UBR3: variants seen among roughly 807,000 people sequenced by gnomAD.
The protein encoded by UBR3 is ubiquitin protein ligase E3 component n-recognin 3.
In UBR3, 85 loss-of-function variants were observed where a neutral mutation model predicts 243.2. The observed-to-expected ratio is 0.35, with a 90% confidence interval of 0.29 to 0.42. The LOEUF (loss-of-function observed/expected upper bound fraction) is 0.42, where lower values mean the gene tolerates loss of function less well. Among genes scored for constraint, UBR3 ranks in the 10% least tolerant of loss-of-function variants. UBR3 has a pLI of 1.00. For missense variants in UBR3, 1,686 were observed against 2,300.8 expected, an observed-to-expected ratio of 0.73 and a Z score of 5.47; for synonymous variants, 748 against 799.8, an observed-to-expected ratio of 0.94 and a Z score of 1.09.
At chr2:169,948,056 G>T in intron 22 of UBR3, 2 of 536,164 alleles carry the variant, frequency 3.7e-6, no homozygotes, top group Non-Finnish European at 4.7e-6. Flanking sequence ...AAATTTAAAA[G>T]AAGGTTTCTT....
chr2:170,017,722 A>C (rs1267848125), intron 30 of UBR3, among the ~76,000 whole-genome samples: 1 of 152,216 alleles, frequency 6.6e-6, no homozygotes, highest in Non-Finnish European at 1.5e-5. Flanking sequence ...AGTTGAGAGT[A>C]GTTAACCAGT....
chr2:170,042,377 A>G (rs1161765884), intron 32 of UBR3, among the ~76,000 whole-genome samples: 1 of 152,076 alleles, frequency 6.6e-6, no homozygotes, highest in African/African-American at 2.4e-5. Context: ...GTTGATGGAC[A>G]TTTGGGTTAT....
intron 29 of UBR3, among the ~76,000 whole-genome samples, chr2:170,009,371 A>C (rs6733311): frequency 0.96 from 145,302 of 152,084 alleles, 69,759 homozygotes; most frequent in East Asian, 1. Flanking sequence ...TCTAGTGATA[A>C]CCTAAAAGAC....
At position 170,071,297 on chromosome 2, in the gene UBR3, T is replaced by G. The variant is rs971395738; in HGVS notation, c.5020-2131T>G. Among the ~76,000 whole-genome samples the G allele has an allele frequency of 2.6e-5, 4 of 152,206 alleles. 1 individual carries two copies. Among genetic ancestry groups the G allele is most frequent in the African/African-American group, 7.2e-5 (3 of 41,450 alleles). On this transcript the variant is annotated intron_variant, in intron 35 of 38. Coordinates refer to ENST00000272793, the MANE Select transcript of UBR3 (RefSeq NM_172070.4). ...ATGTTCATAATAGCCAAATTCATAG[T>G]CAAAATCTGGAAACAACCATCAACA...
rs1574212641 is a variant in UBR3, at chr2:169,924,127, A to T, written c.1976A>T (p.Asp659Val). 6.5e-7 allele frequency: 1 copy of T among 1,548,566 alleles called. No individual in the cohort carries two copies. ...CTAGATTTGGATTCTGTTTTACCAGATCAGGAAATGTTAATGAAACTAATG... is the reference window on the plus strand; with the variant it reads ...CTAGATTTGGATTCTGTTTTACCAGTTCAGGAAATGTTAATGAAACTAATG... The part of the protein sequence containing the change: ...QELDLDSVLP[D>V]QEMLMKLMIH... The change falls in exon 13 of 39, where the codon GAT becomes GTT. Residue 659 changes from aspartate (D) to valine (V), a missense_variant. By Grantham distance (152) the Asp-to-Val change is radical. Coordinates refer to ENST00000272793, the MANE Select transcript of UBR3 (RefSeq NM_172070.4).
chr2:170,029,199 G>A, intron 30 of UBR3, 147 bp from the exon 31 acceptor site: 1 of 601,842 alleles, frequency 1.7e-6, no homozygotes. Context: ...AAAAGAGAGT[G>A]TGAAGTAATT....
Position 169,899,783 on chromosome 2 carries a change from G to GA in UBR3, c.1465+3050dup, listed in dbSNP as rs532982340. Among the ~76,000 whole-genome samples, 115 of 152,226 alleles carry GA rather than the reference G, an allele frequency of 7.6e-4. No homozygotes were observed. The East Asian group carries it at 7.7e-3, about 10-fold the overall frequency. ...TTCTGTCCTTGTGATAGTTTGCTGA[G>GA]AATGATGGTGACCAGTTTCATCCAT... is the stretch of plus-strand genomic sequence containing the variant. On this transcript the variant is annotated intron_variant, in intron 8 of 38. Transcript: ENST00000272793.
chr2:170,046,437 A>G (rs13000395), intron 32 of UBR3, among the ~76,000 whole-genome samples: 64,696 of 151,932 alleles, frequency 0.43, 15,301 homozygotes, highest in Non-Finnish European at 0.54. Flanking sequence ...AGAACTTACC[A>G]TAGTCTCTAT....
intron 30 of UBR3, among the ~76,000 whole-genome samples, chr2:170,015,798 G>A (rs761009073): frequency 2.8e-4 from 42 of 151,790 alleles, no homozygotes; most frequent in Non-Finnish European, 5.2e-4. Context: ...GAAATTGCAC[G>A]TTTGCTTTTA....
chr2:170,060,446 T>A (rs1559226530), intron 33 of UBR3, among the ~76,000 whole-genome samples: 2 of 152,104 alleles, frequency 1.3e-5, no homozygotes, highest in Non-Finnish European at 2.9e-5. Context: ...TGTATTATTT[T>A]AATAAATCCT....
intron 36 of UBR3, 55 bp from the exon 37 acceptor site, chr2:170,079,759 T>C (rs1370408275): frequency 7.0e-7 from 1 of 1,438,690 alleles, no homozygotes; most frequent in East Asian, 2.4e-5. Context: ...AAAAATATAT[T>C]GTGTTAGTGA....
At chr2:169,845,549 TTCTTTC>T (rs1400211090) in intron 1 of UBR3, among the ~76,000 whole-genome samples, 3 of 148,238 alleles carry the variant, frequency 2.0e-5, no homozygotes, top group African/African-American at 4.9e-5. Context: ...CTTCTTCTTC[TTCTTTC>T]TTCTTCTTCT....
intron 30 of UBR3, among the ~76,000 whole-genome samples, chr2:170,017,536 C>CACACACAG (rs1553535827): frequency 1.1e-4 from 5 of 43,770 alleles, no homozygotes; most frequent in Non-Finnish European, 1.0e-4. Flanking sequence ...CACACACACA[C>CACACACAG]ACACACACAG....
At chr2:169,951,218 G>A (rs2087013235) in intron 23 of UBR3, among the ~76,000 whole-genome samples, 1 of 152,140 alleles carries the variant, frequency 6.6e-6, no homozygotes, top group Non-Finnish European at 1.5e-5. Flanking sequence ...CTGGACTACT[G>A]TTGTGAGCAG....
intron 26 of UBR3, among the ~76,000 whole-genome samples, chr2:169,996,872 TA>T (rs1260731230): frequency 1.3e-5 from 2 of 151,724 alleles, no homozygotes; most frequent in African/African-American, 4.8e-5. Flanking sequence ...GCTAATTTTT[TA>T]TATTTTTAGT....
intron 32 of UBR3, among the ~76,000 whole-genome samples, chr2:170,049,587 A>C (rs371311066): frequency 6.6e-6 from 1 of 152,168 alleles, no homozygotes. Flanking sequence ...TGTTTTTAAG[A>C]TAGGAGAATT....
intron 8 of UBR3, 53 bp downstream of exon 8, chr2:169,896,788 GTAT>G (rs945762509): frequency 3.1e-5 from 40 of 1,278,668 alleles, no homozygotes; most frequent in South Asian, 4.7e-5. Flanking sequence ...TATTATTCTA[GTAT>G]TATTAGTGTA....
intron 29 of UBR3, among the ~76,000 whole-genome samples, chr2:170,009,412 G>C (rs952353502): frequency 6.6e-6 from 1 of 152,104 alleles, no homozygotes; most frequent in Non-Finnish European, 1.5e-5. Flanking sequence ...TAAGGGAGAG[G>C]AAGCAAGGGA....
chr2:169,888,775 G>A (rs904088017), intron 5 of UBR3, among the ~76,000 whole-genome samples: 1 of 151,956 alleles, frequency 6.6e-6, no homozygotes, highest in Non-Finnish European at 1.5e-5. Context: ...TTTTAAAATA[G>A]CATGCTTTTC....
Sources: allele counts gnomAD v4.1 joint callset (sites outside exome capture counted in the v4.1 genomes callset), GRCh38; gene constraint gnomAD v4.1.1; transcripts MANE v1.5; gene names NCBI Gene and HGNC (gene_info 2026-07-23, HGNC 2026-07-21).